Variants in CDH18 observed in about 807,000 individuals in gnomAD.
CDH18 encodes the protein cadherin-18.
Under a neutral mutation model 67.9 loss-of-function variants are expected in CDH18, and 31 were observed. The observed-to-expected ratio is 0.46, with a 90% CI of 0.34 to 0.62. The LOEUF (loss-of-function observed/expected upper bound fraction) is 0.62, where lower values mean the gene tolerates loss of function less well. Among genes scored for constraint, CDH18 ranks in the 20% least tolerant of loss-of-function variants. CDH18 has a pLI of 0.01. For missense variants in CDH18, 890 were observed against 975.5 expected, an observed-to-expected ratio of 0.91 and a Z score of 1.17; for synonymous variants, 362 against 347.2, an observed-to-expected ratio of 1.04 and a Z score of -0.48.
chr5:19,642,621 T>G (rs766150571), intron 5 of CDH18, among the ~76,000 whole-genome samples: 2 of 152,116 alleles, frequency 1.3e-5, no homozygotes, highest in Non-Finnish European at 2.9e-5. Context: ...GGACATTCCA[T>G]GCAGAATAAT....
intron 2 of CDH18, among the ~76,000 whole-genome samples, chr5:19,945,015 A>G (rs1795161101): frequency 6.6e-6 from 1 of 152,142 alleles, no homozygotes; most frequent in African/African-American, 2.4e-5. Flanking sequence ...GAGTAGCCCA[A>G]TAGACACTAA....
At chr5:19,507,643 A>G (rs1744419781) in intron 10 of CDH18, among the ~76,000 whole-genome samples, 1 of 152,162 alleles carries the variant, frequency 6.6e-6, no homozygotes, top group South Asian at 2.1e-4. Flanking sequence ...TTCTGAGCAA[A>G]CTATCGCAAG....
rs199661795 is a variant in CDH18 at position 20,172,184 on chromosome 5, T to TTGTGTGTG, written c.-518+83259_-518+83260insCACACACA. ...TATGAGAACTTTGATATCAATAGCA[T>TTGTGTGTG]TGTGTGTATATATATATATATATAT... On this transcript the variant is annotated intron_variant, in intron 2 of 14. Coordinates refer to the CDH18 transcript ENST00000507958. 7.0e-3 allele frequency among the ~76,000 whole-genome samples: 180 copies of TTGTGTGTG among 25,794 alleles called. 8 individuals carry two copies. The highest frequency in any genetic ancestry group is 0.023 in the African/African-American group (172 of 7,348). 16.9% of individuals were successfully genotyped at this position (25,794 alleles called of 152,430 possible). A position where few individuals can be genotyped will look rare whatever the true frequency, so the allele number is the denominator to read the frequency against.
chr5:19,626,211 A>G (rs963084172), intron 5 of CDH18, among the ~76,000 whole-genome samples: 9 of 152,230 alleles, frequency 5.9e-5, no homozygotes, highest in African/African-American at 2.2e-4. Flanking sequence ...GCACCAAGAA[A>G]AAAATAAAAA....
At chr5:19,924,468 C>A (rs1792875157) in intron 2 of CDH18, among the ~76,000 whole-genome samples, 1 of 152,010 alleles carries the variant, frequency 6.6e-6, no homozygotes, top group South Asian at 2.1e-4. Context: ...AAAACCCCAT[C>A]TCTGGAGTTT....
chr5:19,571,251 T>A (rs1278243455), intron 8 of CDH18, among the ~76,000 whole-genome samples: 1 of 152,178 alleles, frequency 6.6e-6, no homozygotes, highest in Admixed American at 6.5e-5. Context: ...ATACTTCCTA[T>A]CATTAAGGGA....
intron 2 of CDH18, among the ~76,000 whole-genome samples, chr5:19,956,454 T>C (rs1796266376): frequency 6.6e-6 from 1 of 151,932 alleles, no homozygotes; most frequent in Admixed American, 6.6e-5. Flanking sequence ...GTGTTAAATA[T>C]ATTGATTACT....
chr5:19,575,378 T>C (rs1742149413), intron 7 of CDH18, among the ~76,000 whole-genome samples: 1 of 152,214 alleles, frequency 6.6e-6, no homozygotes, highest in Admixed American at 6.5e-5. Context: ...TACCAGCAAG[T>C]ATAACATGGG....
intron 2 of CDH18, among the ~76,000 whole-genome samples, chr5:20,130,684 G>T (rs1206563968): frequency 1.3e-5 from 2 of 151,862 alleles, no homozygotes; most frequent in Non-Finnish European, 2.9e-5. Context: ...AGAGATTCGT[G>T]AATAATCTAA....
chr5:19,662,376 T>C (rs1757300564), intron 5 of CDH18, among the ~76,000 whole-genome samples: 1 of 151,804 alleles, frequency 6.6e-6, no homozygotes, highest in Non-Finnish European at 1.5e-5. Context: ...ACAAGAAAAA[T>C]TGGGTCATCT....
chr5:20,173,763 A>C lies in CDH18; in HGVS notation c.-518+81681T>G, dbSNP rs537444342. Among the ~76,000 whole-genome samples, 96 of 152,316 alleles carry C rather than the reference A, an allele frequency of 6.3e-4. 1 individual carries two copies. The South Asian group carries it at 8.9e-3, about 14-fold the overall frequency. On this transcript the variant is annotated intron_variant, in intron 2 of 14. Coordinates refer to the CDH18 transcript ENST00000507958. Reference sequence around the variant, plus strand: ...ATTTCTAAGCTGAGCATATGTAATAAATTTAAAATAAACATTTTATTCACT... The same window carrying C: ...ATTTCTAAGCTGAGCATATGTAATACATTTAAAATAAACATTTTATTCACT...
At chr5:19,513,720 A>T (rs2126847242) in intron 10 of CDH18, among the ~76,000 whole-genome samples, 1 of 152,174 alleles carries the variant, frequency 6.6e-6, no homozygotes, top group Middle Eastern at 3.4e-3. Flanking sequence ...GTTATGGCTG[A>T]ACTGTTTCCT....
chr5:20,032,670 A>C (rs189458284), intron 2 of CDH18, among the ~76,000 whole-genome samples: 7 of 152,164 alleles, frequency 4.6e-5, no homozygotes, highest in African/African-American at 1.4e-4. Context: ...TGTGGTTAGA[A>C]GCCAAGCACA....
intron 8 of CDH18, among the ~76,000 whole-genome samples, chr5:19,545,723 G>C (rs1285581338): frequency 6.6e-6 from 1 of 152,116 alleles, no homozygotes; most frequent in Non-Finnish European, 1.5e-5. Context: ...AAAGAGCTGG[G>C]GAAAGGTAGT....
chr5:20,281,677 AC>A (rs1746289122), intron 1 of CDH18, among the ~76,000 whole-genome samples: 1 of 152,074 alleles, frequency 6.6e-6, no homozygotes, highest in South Asian at 2.1e-4. Context: ...CTTAGGATTG[AC>A]TTGGCGATGC....
intron 8 of CDH18, among the ~76,000 whole-genome samples, chr5:19,551,984 C>T (rs191904708): frequency 2.0e-4 from 30 of 152,232 alleles, no homozygotes; most frequent in African/African-American, 6.7e-4. Flanking sequence ...AATAAGCCAA[C>T]CAATCAATCA....
At chr5:20,064,593 T>C (rs1177142418) in intron 2 of CDH18, among the ~76,000 whole-genome samples, 1 of 152,272 alleles carries the variant, frequency 6.6e-6, no homozygotes, top group Admixed American at 6.5e-5. Flanking sequence ...AGTTTTGTTG[T>C]TGGACTTTTC....
intron 10 of CDH18, among the ~76,000 whole-genome samples, chr5:19,508,121 T>A (rs1351418267): frequency 4.6e-5 from 7 of 152,118 alleles, no homozygotes; most frequent in Admixed American, 4.6e-4. Flanking sequence ...CTGTAATATT[T>A]GCTTGGTCTC....
At chr5:19,909,903 T>A (rs755654978) in intron 2 of CDH18, among the ~76,000 whole-genome samples, 17 of 152,160 alleles carry the variant, frequency 1.1e-4, no homozygotes, top group Non-Finnish European at 2.2e-4. Context: ...TTACTACACT[T>A]TTAAACTCAA....
Sources: gnomAD v4.1 joint callset for allele counts (sites outside exome capture counted in the v4.1 genomes callset) on GRCh38, gnomAD v4.1.1 for gene constraint, MANE v1.5 for transcripts, NCBI Gene and HGNC (gene_info 2026-07-23, HGNC 2026-07-21) for gene names.